Variants in MLLT10 observed in about 807,000 individuals in gnomAD.
The protein encoded by MLLT10 is MLLT10 histone lysine methyltransferase DOT1L cofactor.
Under a neutral mutation model 129.1 loss-of-function variants are expected in MLLT10, and 30 were observed. The ratio of observed to expected loss-of-function variants is 0.23; its 90% CI spans 0.17 to 0.32. MLLT10 has a LOEUF of 0.32. MLLT10 is among the 10% of genes least tolerant of loss of function. MLLT10 has a pLI of 1.00. For missense variants in MLLT10, 1,119 were observed against 1,268.3 expected, an observed-to-expected ratio of 0.88 and a Z score of 1.79; for synonymous variants, 490 against 446.4, an observed-to-expected ratio of 1.10 and a Z score of -1.23.
chr10:21,677,811 A>G (rs2131393527), intron 11 of MLLT10, among the ~76,000 whole-genome samples: 1 of 152,342 alleles, frequency 6.6e-6, no homozygotes, highest in South Asian at 2.1e-4. Flanking sequence ...TAATTTAGTA[A>G]TGTCGAAGAT....
intron 3 of MLLT10, among the ~76,000 whole-genome samples, chr10:21,566,593 G>A (rs138109739): frequency 6.6e-6 from 1 of 152,232 alleles, no homozygotes; most frequent in Non-Finnish European, 1.5e-5. Context: ...CTCCCAAAGT[G>A]CTAGAATTAC....
At chr10:21,632,604 C>G (rs1021876283) in intron 8 of MLLT10, among the ~76,000 whole-genome samples, 4 of 152,150 alleles carry the variant, frequency 2.6e-5, no homozygotes, top group African/African-American at 9.7e-5. Context: ...ATTTAAAAAT[C>G]TGGAGAGTCA....
At chr10:21,614,736 A>G in intron 6 of MLLT10, 95 bp from the exon 7 acceptor site, 1 of 866,150 alleles carries the variant, frequency 1.2e-6, no homozygotes, top group Non-Finnish European at 1.7e-6. Flanking sequence ...TTATTTTCTC[A>G]GAGCATGAAT....
intron 3 of MLLT10, among the ~76,000 whole-genome samples, chr10:21,579,373 C>A (rs1217362776): frequency 1.3e-5 from 2 of 151,956 alleles, no homozygotes; most frequent in African/African-American, 4.8e-5. Flanking sequence ...TGTCTTTTTT[C>A]AAATTGAAGA....
chr10:21,634,579 G>C (rs914267708), intron 8 of MLLT10, among the ~76,000 whole-genome samples: 29 of 152,194 alleles, frequency 1.9e-4, no homozygotes, highest in Non-Finnish European at 7.4e-5. Flanking sequence ...TTCATGCAGT[G>C]TGTTTAATAT....
At chr10:21,739,909 A>G in intron 21 of MLLT10, 121 bp from the exon 22 acceptor site, 1 of 755,028 alleles carries the variant, frequency 1.3e-6, no homozygotes, top group South Asian at 1.9e-5. Context: ...TCTAGATGAG[A>G]TACTTGTTTT....
chr10:21,598,999 G>A (rs1243833581), intron 5 of MLLT10, among the ~76,000 whole-genome samples: 2 of 152,058 alleles, frequency 1.3e-5, no homozygotes, highest in African/African-American at 2.4e-5. Flanking sequence ...CCAAGATGGC[G>A]AAACCCCGTC....
At chr10:21,640,261 T>C (rs1454963298) in intron 8 of MLLT10, among the ~76,000 whole-genome samples, 3 of 144,274 alleles carry the variant, frequency 2.1e-5, no homozygotes, top group Middle Eastern at 3.6e-3. Context: ...TATTACATAA[T>C]ATATATTATA....
At chr10:21,673,317 A>ACCCCCTT (rs777214334) in intron 10 of MLLT10, 33 bp from the exon 11 acceptor site, 3 of 172,358 alleles carry the variant, frequency 1.7e-5, no homozygotes, top group African/African-American at 2.3e-4. Context: ...CCACCCCCCA[A>ACCCCCTT]CTTTTTTTTT....
chr10:21,679,894 T>G (rs1210304946), intron 11 of MLLT10, among the ~76,000 whole-genome samples: 1 of 152,170 alleles, frequency 6.6e-6, no homozygotes, highest in Non-Finnish European at 1.5e-5. Context: ...TTTGGTTAAA[T>G]AATATCCAAG....
At chr10:21,645,368 C>T (rs2048379162) in intron 8 of MLLT10, among the ~76,000 whole-genome samples, 1 of 152,116 alleles carries the variant, frequency 6.6e-6, no homozygotes, top group South Asian at 2.1e-4. Context: ...TCAGCTTTCT[C>T]TTAAGCATTT....
At chr10:21,634,753 A>G (rs889331375) in intron 8 of MLLT10, among the ~76,000 whole-genome samples, 1 of 152,218 alleles carries the variant, frequency 6.6e-6, no homozygotes, top group Non-Finnish European at 1.5e-5. Flanking sequence ...TCTCTCCAGT[A>G]TCGAGTAGAC....
At chr10:21,626,592 T>C (rs752768711) in intron 8 of MLLT10, among the ~76,000 whole-genome samples, 5 of 152,140 alleles carry the variant, frequency 3.3e-5, no homozygotes, top group Admixed American at 6.6e-5. Context: ...TAGTGTCACA[T>C]TGGCAAATTT....
At chr10:21,571,003 TTCTTTC>T (rs1336490921) in intron 3 of MLLT10, among the ~76,000 whole-genome samples, 7 of 152,182 alleles carry the variant, frequency 4.6e-5, no homozygotes, top group Non-Finnish European at 8.8e-5. Flanking sequence ...TGAAAACAGT[TTCTTTC>T]TGTTGGGTCT....
intron 3 of MLLT10, among the ~76,000 whole-genome samples, chr10:21,571,730 C>T (rs1439306843): frequency 6.6e-6 from 1 of 152,084 alleles, no homozygotes; most frequent in East Asian, 1.9e-4. Context: ...GTGTGTTGAC[C>T]ATTCGTGTGT....
At chr10:21,559,488 T>C (rs1431581337) in intron 3 of MLLT10, among the ~76,000 whole-genome samples, 5 of 152,356 alleles carry the variant, frequency 3.3e-5, no homozygotes, top group African/African-American at 9.6e-5. Flanking sequence ...ATACAAAATA[T>C]ACCATTTTAA....
intron 8 of MLLT10, among the ~76,000 whole-genome samples, chr10:21,635,704 C>T (rs1276988602): frequency 6.6e-6 from 1 of 151,734 alleles, no homozygotes; most frequent in Non-Finnish European, 1.5e-5. Context: ...GTTGCTGCCA[C>T]CATTTTCTCT....
Position 21,737,830 on chromosome 10 carries a change from T to C in MLLT10, c.2956-2200T>C, listed in dbSNP as rs1413223061. On this transcript the variant is annotated intron_variant, in intron 21 of 22. Transcript: ENST00000307729. ...ATGCATTGCTTAATTAACATAGAAA[T>C]TACAAAGGCTGACATCCTTTCTAAG... Among the ~76,000 whole-genome samples, 4 of 152,250 alleles carry C rather than the reference T, an allele frequency of 2.6e-5. No individual in the cohort carries two copies. In the East Asian group the frequency reaches 7.7e-4, roughly 29 times the overall value.
At chr10:21,741,583 T>C (rs1833639071) in intron 22 of MLLT10, among the ~76,000 whole-genome samples, 1 of 152,140 alleles carries the variant, frequency 6.6e-6, no homozygotes, top group Non-Finnish European at 1.5e-5. Context: ...AAATAGCAAA[T>C]GTGGAATCAC....
Sources: allele counts gnomAD v4.1 joint callset (sites outside exome capture counted in the v4.1 genomes callset), GRCh38; gene constraint gnomAD v4.1.1; transcripts MANE v1.5; gene names NCBI Gene and HGNC (gene_info 2026-07-23, HGNC 2026-07-21).